Variants in SRP19 observed in about 807,000 individuals in gnomAD.
SRP19 encodes signal recognition particle 19 kDa protein.
Under a neutral mutation model 22.4 loss-of-function variants are expected in SRP19, and 11 were observed. The ratio of observed to expected loss-of-function variants is 0.49; its 90% CI spans 0.31 to 0.81. The LOEUF (loss-of-function observed/expected upper bound fraction) is 0.81, where lower values mean the gene tolerates loss of function less well. Ranked by LOEUF, SRP19 falls within the 40% of genes least tolerant of loss-of-function variation. The pLI, the probability that SRP19 is intolerant of heterozygous loss-of-function variation, is 0.05. For synonymous variants in SRP19, 61 were observed against 57.6 expected, an observed-to-expected ratio of 1.06 and a Z score of -0.27; for missense variants, 168 against 175.9, an observed-to-expected ratio of 0.96 and a Z score of 0.25.
chr5:112,889,219 G>C (rs183142926), intron 4 of SRP19, among the ~76,000 whole-genome samples: 1 of 149,410 alleles, frequency 6.7e-6, no homozygotes, highest in East Asian at 2.0e-4. Flanking sequence ...CTGGGCAACA[G>C]AGCAAGAGCT....
intron 4 of SRP19, among the ~76,000 whole-genome samples, chr5:112,883,138 T>G (rs1194794763): frequency 1.3e-5 from 2 of 152,250 alleles, no homozygotes; most frequent in Non-Finnish European, 2.9e-5. Context: ...GAAAAAAACT[T>G]TTAAAATTTC....
intron 4 of SRP19, chr5:112,878,696 T>G: frequency 6.5e-7 from 1 of 1,536,458 alleles, no homozygotes; most frequent in Non-Finnish European, 8.8e-7. Context: ...AAGGCAACAT[T>G]ATTAAAATAA....
intron 4 of SRP19, among the ~76,000 whole-genome samples, chr5:112,879,893 A>G (rs1768017174): frequency 1.3e-5 from 2 of 152,102 alleles, no homozygotes; most frequent in Non-Finnish European, 2.9e-5. Context: ...AGCCTGGCCA[A>G]TATGAATGGT....
At chr5:112,876,749 A>G (rs1026091487) in intron 4 of SRP19, 2 of 152,214 alleles carry the variant, frequency 1.3e-5, no homozygotes, top group Non-Finnish European at 2.9e-5. Context: ...GAACTGCTCA[A>G]TTCTTAACTT....
At chr5:112,880,958 G>A (rs190508751) in intron 4 of SRP19, among the ~76,000 whole-genome samples, 1,598 of 152,046 alleles carry the variant, frequency 0.011, 12 homozygotes, top group Non-Finnish European at 0.014. Context: ...GCATAACGGT[G>A]TCTCTACTAA....
intron 4 of SRP19, chr5:112,886,962 C>A: frequency 7.4e-7 from 1 of 1,347,500 alleles, no homozygotes; most frequent in South Asian, 1.5e-5. Flanking sequence ...TATTTGAGCC[C>A]AGTGTGTCAC....
Position 112,868,174 on chromosome 5 carries a change from A to C in SRP19, c.*637A>C. The C allele has an allele frequency of 1.0e-6, 1 of 985,438 alleles. No individual in the cohort carries two copies. Among genetic ancestry groups the C allele is most frequent in the Non-Finnish European group, 1.2e-6 (1 of 829,944 alleles). 61.0% of individuals were successfully genotyped at this position (985,438 alleles called of 1,614,324 possible). A position where few individuals can be genotyped will look rare whatever the true frequency, so the allele number is the denominator to read the frequency against. On this transcript the variant is annotated 3_prime_UTR_variant, in exon 5 of 5. Transcript: ENST00000505459. The stretch of plus-strand genomic sequence containing the variant: ...ATTTGCTTATTTTGTAGGTTTAAGA[A>C]CATGATTTTCATGGGAGTTGTAAAA...
At chr5:112,873,863 G>A (rs1033292898), downstream of SRP19, among the ~76,000 whole-genome samples, 3 of 151,952 alleles carry the variant, frequency 2.0e-5, no homozygotes, top group Non-Finnish European at 4.4e-5. Context: ...CCAAAAGGTT[G>A]ATTATAAGTT....
At chr5:112,887,539 A>AT (rs1174025562) in intron 4 of SRP19, among the ~76,000 whole-genome samples, 2 of 152,226 alleles carry the variant, frequency 1.3e-5, no homozygotes, top group African/African-American at 4.8e-5. Context: ...ATCTGCATGT[A>AT]TAAAGCCCTG....
downstream of SRP19, chr5:112,896,176 C>A (rs1207831790): frequency 6.6e-6 from 1 of 152,592 alleles, no homozygotes; most frequent in Non-Finnish European, 1.5e-5. Flanking sequence ...CTTAAAAGAA[C>A]GTGTTAAAGG....
Position 112,861,316 on chromosome 5 carries a change from CCTCCCGGGTTTCTGCCGGGTTT to C in SRP19, c.-55_-34del, listed in dbSNP as rs1158996631. ...TGTCTCGGAAACTCAGAGCCGGGTT[CCTCCCGGGTTTCTGCCGGGTTT>C]CTCCCTGCGGCTCCTGGGTTGTTGA... On this transcript the variant is annotated 5_prime_UTR_variant, in exon 1 of 5. Transcript: ENST00000505459. 1.4e-5 allele frequency: 23 copies of C among 1,595,010 alleles called. No individual in the cohort carries two copies. The highest frequency in any genetic ancestry group is 5.4e-5 in the African/African-American group (4 of 74,442).
At chr5:112,865,401 AAC>A (rs1767566374) in intron 4 of SRP19, among the ~76,000 whole-genome samples, 1 of 152,326 alleles carries the variant, frequency 6.6e-6, no homozygotes, top group Non-Finnish European at 1.5e-5. Context: ...ACATCAATAT[AAC>A]AGAATGTTCT....
intron 4 of SRP19, chr5:112,878,653 C>A: frequency 7.7e-7 from 1 of 1,293,040 alleles, no homozygotes. Context: ...ACTTACAACA[C>A]ATTCCAATCT....
chr5:112,887,785 A>T (rs1043524085), intron 4 of SRP19, among the ~76,000 whole-genome samples: 2 of 152,022 alleles, frequency 1.3e-5, no homozygotes, highest in Non-Finnish European at 2.9e-5. Context: ...CTACTTTGCC[A>T]TTGAGATTTT....
intron 4 of SRP19, among the ~76,000 whole-genome samples, chr5:112,880,796 C>G (rs887541341): frequency 6.6e-6 from 1 of 152,060 alleles, no homozygotes; most frequent in Non-Finnish European, 1.5e-5. Context: ...GCTGATTAGG[C>G]TAAGGGAAGG....
downstream of SRP19, among the ~76,000 whole-genome samples, chr5:112,870,775 A>T (rs1048962138): frequency 6.6e-6 from 1 of 152,002 alleles, no homozygotes; most frequent in African/African-American, 2.4e-5. Flanking sequence ...TCCTCAGCGC[A>T]CCCTCTTTGT....
chr5:112,879,782 A>G (rs1240857316), intron 4 of SRP19, among the ~76,000 whole-genome samples: 1 of 151,916 alleles, frequency 6.6e-6, no homozygotes, highest in Non-Finnish European at 1.5e-5. Flanking sequence ...GGCCTCTTCC[A>G]TATACTTTAA....
At chr5:112,863,820 A>C (rs1053581803) in intron 2 of SRP19, among the ~76,000 whole-genome samples, 8 of 152,038 alleles carry the variant, frequency 5.3e-5, no homozygotes, top group African/African-American at 1.5e-4. Context: ...ACATGCCACC[A>C]TGTCCGGCTA....
At chr5:112,880,662 C>A (rs572465811) in intron 4 of SRP19, among the ~76,000 whole-genome samples, 1 of 152,328 alleles carries the variant, frequency 6.6e-6, no homozygotes, top group Non-Finnish European at 1.5e-5. Flanking sequence ...TATTTTAATT[C>A]TCTTGCCCCT....
Sources: allele counts gnomAD v4.1 joint callset (sites outside exome capture counted in the v4.1 genomes callset), GRCh38; gene constraint gnomAD v4.1.1; transcripts MANE v1.5; gene names NCBI Gene and HGNC (gene_info 2026-07-23, HGNC 2026-07-21).